The following RPSA variants were observed in gnomAD, a reference collection of about 807,000 sequenced individuals.
RPSA encodes the protein ribosomal protein SA, also known as small ribosomal subunit protein uS2.
For missense variants in RPSA, 140 were observed against 372.8 expected (o/e 0.38, Z 5.14); for synonymous variants, 103 against 126.7 (o/e 0.81, Z 1.25).
At chr3:39,409,886 GTGAGGC>G (rs1241015761) in intron 3 of RPSA, among the ~76,000 whole-genome samples, 1 of 152,146 alleles carries the variant, frequency 6.6e-6, no homozygotes, top group Admixed American at 6.6e-5. Flanking sequence ...GGGGTACTTT[GTGAGGC>G]TGAGGCTGGT....
intron 3 of RPSA, chr3:39,410,552 A>G (rs1261956842): frequency 9.8e-6 from 6 of 612,396 alleles, no homozygotes; most frequent in Non-Finnish European, 1.2e-5. Context: ...TGCTCGGGAT[A>G]TATAGTAGAA....
chr3:39,409,416 G>T (rs1349819107), intron 3 of RPSA, among the ~76,000 whole-genome samples: 2 of 152,050 alleles, frequency 1.3e-5, no homozygotes, highest in Non-Finnish European at 2.9e-5. Context: ...GGCCAGGCTG[G>T]TCTTAAACGC....
At chr3:39,407,546 T>C (rs2041937920) in intron 1 of RPSA, 75 bp from the exon 2 acceptor site, 1 of 1,084,872 alleles carries the variant, frequency 9.2e-7, no homozygotes, top group South Asian at 1.2e-5. Context: ...GCAGATGGAG[T>C]TTTTGGTTGC....
At position 39,408,767 on chromosome 3, in the gene RPSA, C is replaced by G. The variant is rs765243939; in HGVS notation, c.252+43C>G. 8 of 1,083,068 alleles carry G rather than the reference C, an allele frequency of 7.4e-6. No homozygotes were observed. In the South Asian group the frequency reaches 8.7e-5, roughly 12 times the overall value. The allele number at this position is 1,083,068 out of a possible 1,614,324, so 67.1% of individuals were successfully genotyped here. A position where few individuals can be genotyped will look rare whatever the true frequency, so the allele number is the denominator to read the frequency against. On this transcript the variant is annotated intron_variant, in intron 3 of 6. Transcript: ENST00000301821. ...TAGTTTTTATATTATAGAAATAAAG[C>G]TTACAGACATTGTGAGACATAGAAA...
chr3:39,407,870 T>C, intron 2 of RPSA, 84 bp downstream of exon 2: 1 of 1,057,588 alleles, frequency 9.5e-7, no homozygotes. Context: ...TTCTGGGTAA[T>C]TTCTTTCTAT....
At chr3:39,408,317 T>C (rs1255475231) in intron 2 of RPSA, 3 of 566,772 alleles carry the variant, frequency 5.3e-6, no homozygotes, top group Non-Finnish European at 9.8e-6. Flanking sequence ...AGGAAGTGGA[T>C]TATTAAGAAC....
intron 4 of RPSA, chr3:39,411,257 T>G (rs752223524): frequency 9.9e-6 from 7 of 708,666 alleles, no homozygotes; most frequent in Non-Finnish European, 1.8e-5. Context: ...ATTTGGAAAA[T>G]AGTGTGTTCT....
intron 3 of RPSA, chr3:39,410,514 C>T (rs1212668788): frequency 1.9e-6 from 1 of 530,244 alleles, no homozygotes; most frequent in Non-Finnish European, 3.4e-6. Flanking sequence ...TACTGAGCAT[C>T]TAGATTGGGC....
chr3:39,409,560 C>T (rs1023595674), intron 3 of RPSA, among the ~76,000 whole-genome samples: 1 of 152,226 alleles, frequency 6.6e-6, no homozygotes, highest in African/African-American at 2.4e-5. Context: ...TTTATAATTT[C>T]ATTTTGTGTA....
rs759760762 is a variant in RPSA, at chr3:39,410,934, A to G, written c.433A>G (p.Ile145Val). The change falls in exon 4 of 7, where the codon ATT (isoleucine) becomes GTT (valine). Residue 145 changes from isoleucine to valine, a missense_variant. Physicochemically the swap from Ile to Val is conservative, Grantham distance 29. Coordinates refer to ENST00000301821, the MANE Select transcript of RPSA (RefSeq NM_002295.6). ...GGCATCTTATGTTAACCTACCTACC[A>G]TTGCGCTGTGTAACACAGATTCTCC... ...TEASYVNLPT[I>V]ALCNTDSPLR... 9.5e-5 allele frequency: 152 copies of G among 1,593,616 alleles called. No individual in the cohort carries two copies. Among genetic ancestry groups the G allele is most frequent in the Non-Finnish European group, 1.3e-4 (149 of 1,174,468 alleles).
At chr3:39,407,149 G>T (rs2041930972) in intron 1 of RPSA, 2 of 371,878 alleles carry the variant, frequency 5.4e-6, no homozygotes, top group Non-Finnish European at 1.1e-5. Context: ...CCTTCGCGCC[G>T]TGCGGGTCAG....
chr3:39,407,666 C>G lies in RPSA; in HGVS notation c.13C>G (p.Leu5Val). 1.1e-5 allele frequency: 18 copies of G among 1,596,392 alleles called. No homozygotes were observed. Among genetic ancestry groups the G allele is most frequent in the Non-Finnish European group, 1.5e-5 (18 of 1,178,016 alleles). MSGALDVLQMKEEDV... is the reference protein window; with the variant it reads MSGAVDVLQMKEEDV... ...GGAAATTTTCACAATGTCCGGAGCC[C>G]TTGATGTCCTGCAAATGAAGGAGGA... Residue 5 changes from leucine (L) to valine (V), a missense_variant, in exon 2 of 7, where the codon CTT becomes GTT. Transcript: ENST00000301821.
Position 39,406,745 on chromosome 3 carries a change from TC to T in RPSA, c.-51del, listed in dbSNP as rs1391833253. The T allele has an allele frequency of 1.5e-5, 6 of 406,642 alleles. No homozygotes were observed. In the East Asian group the frequency reaches 4.7e-4, roughly 32 times the overall value. 25.2% of individuals were successfully genotyped at this position (406,642 alleles called of 1,614,324 possible). On this transcript the variant is annotated 5_prime_UTR_variant, in exon 1 of 7. Transcript: ENST00000301821. Reference sequence around the variant, plus strand: ...CTTTTCCGTGCTACCTGCAGAGGGGTCCATACGGCGTTGTTCTGGGTGAGTT... The same window carrying T: ...CTTTTCCGTGCTACCTGCAGAGGGGTCATACGGCGTTGTTCTGGGTGAGTT...
At chr3:39,411,112 G>C (rs777554719) in intron 4 of RPSA, 113 bp downstream of exon 4, 2 of 1,360,882 alleles carry the variant, frequency 1.5e-6, no homozygotes, top group East Asian at 4.6e-5. Flanking sequence ...ACTCGCAAGT[G>C]TAGGTAGTGT....
intron 2 of RPSA, chr3:39,408,379 CTGAA>C (rs2041951774): frequency 1.4e-6 from 1 of 726,420 alleles, no homozygotes; most frequent in Admixed American, 1.8e-5. Context: ...ATTTAGCCAA[CTGAA>C]TCTAGGCTGC....
chr3:39,407,547 T>A, intron 1 of RPSA, 74 bp from the exon 2 acceptor site: 1 of 1,093,174 alleles, frequency 9.1e-7, no homozygotes, highest in South Asian at 1.2e-5. Flanking sequence ...CAGATGGAGT[T>A]TTTGGTTGCT....
At chr3:39,411,560 T>C in intron 4 of RPSA, 89 bp from the exon 5 acceptor site, 3 of 1,388,102 alleles carry the variant, frequency 2.2e-6, no homozygotes, top group Non-Finnish European at 3.0e-6. Flanking sequence ...TCTGTACTTT[T>C]GGTACCTAGA....
chr3:39,412,321 A>G lies in RPSA; in HGVS notation c.841A>G (p.Thr281Ala), dbSNP rs751903033. The G allele has an allele frequency of 8.7e-6, 14 of 1,608,166 alleles. No homozygotes were observed. The highest frequency in any genetic ancestry group is 4.0e-5 in the African/African-American group (3 of 74,846). Residue 281 changes from threonine to alanine, a missense_variant, in exon 7 of 7, where the codon ACT becomes GCT. Transcript: ENST00000301821. ...CACGGAAGACTGGTCTGCAGCTCCC[A>G]CTGCTCAGGCCACTGAATGGGTAGG... ...PATEDWSAAP[T>A]AQATEWVGAT...
Position 39,407,860 on chromosome 3 carries a change from T to G in RPSA, c.133+74T>G, listed in dbSNP as rs979043582. The G allele has an allele frequency of 4.5e-5, 54 of 1,194,928 alleles. 1 individual carries two copies. Among genetic ancestry groups the G allele is most frequent in the Non-Finnish European group, 6.5e-5 (54 of 832,000 alleles). 74.0% of individuals were successfully genotyped at this position (1,194,928 alleles called of 1,614,324 possible). A position where few individuals can be genotyped will look rare whatever the true frequency, so the allele number is the denominator to read the frequency against. Reference sequence around the variant, plus strand: ...TTGAGCTTGCTATTCTCGTGGTTAGTTCTGGGTAATTTCTTTCTATCTTCC... The same window carrying G: ...TTGAGCTTGCTATTCTCGTGGTTAGGTCTGGGTAATTTCTTTCTATCTTCC... On this transcript the variant is annotated intron_variant, in intron 2 of 6. Transcript: ENST00000301821.
Sources: gnomAD v4.1 joint callset for allele counts (sites outside exome capture counted in the v4.1 genomes callset) on GRCh38, gnomAD v4.1.1 for gene constraint, MANE v1.5 for transcripts, NCBI Gene and HGNC (gene_info 2026-07-23, HGNC 2026-07-21) for gene names.